Variants in RBM20 observed in about 807,000 individuals in gnomAD.
RBM20 encodes RNA-binding protein 20.
Under a neutral mutation model 110.1 loss-of-function variants are expected in RBM20, and 51 were observed. That is an observed-to-expected ratio of 0.46 (90% CI 0.37 to 0.59). RBM20 has a LOEUF of 0.59. Among genes scored for constraint, RBM20 ranks in the 20% least tolerant of loss-of-function variants. The pLI is 0.00. For missense variants in RBM20, 1,512 were observed against 1,574.9 expected, an observed-to-expected ratio of 0.96 and a Z score of 0.68; for synonymous variants, 589 against 618.2, an observed-to-expected ratio of 0.95 and a Z score of 0.70.
At chr10:110,759,636 G>A (rs1011448195) in intron 1 of RBM20, among the ~76,000 whole-genome samples, 6 of 152,148 alleles carry the variant, frequency 3.9e-5, no homozygotes, top group African/African-American at 9.7e-5. Flanking sequence ...GGCAGGGACC[G>A]GCTCTGTCCA....
intron 1 of RBM20, among the ~76,000 whole-genome samples, chr10:110,767,498 G>A (rs1307266994): frequency 2.0e-5 from 3 of 151,290 alleles, no homozygotes; most frequent in East Asian, 2.0e-4. Flanking sequence ...CAGACGGGGC[G>A]GCTGCGGGGC....
At chr10:110,721,688 G>A (rs1049769878) in intron 1 of RBM20, among the ~76,000 whole-genome samples, 10 of 152,090 alleles carry the variant, frequency 6.6e-5, no homozygotes, top group Non-Finnish European at 8.8e-5. Flanking sequence ...TTGTGAAAGT[G>A]TCTCCCTATT....
intron 1 of RBM20, among the ~76,000 whole-genome samples, chr10:110,737,011 C>T (rs1308407194): frequency 6.6e-6 from 1 of 151,488 alleles, no homozygotes; most frequent in African/African-American, 2.4e-5. Flanking sequence ...CCCATCTCTA[C>T]TAAAAATACA....
At chr10:110,829,971 C>G (rs1251354277) in intron 12 of RBM20, among the ~76,000 whole-genome samples, 5 of 152,360 alleles carry the variant, frequency 3.3e-5, no homozygotes, top group African/African-American at 1.2e-4. Flanking sequence ...TTTCTTAGTT[C>G]CCTGATGGGT....
At chr10:110,758,693 T>C (rs1212790020) in intron 1 of RBM20, among the ~76,000 whole-genome samples, 1 of 152,210 alleles carries the variant, frequency 6.6e-6, no homozygotes, top group African/African-American at 2.4e-5. Context: ...CATGTGGCTG[T>C]TGAGCCCTTG....
At chr10:110,774,891 G>A (rs1486491987) in intron 1 of RBM20, among the ~76,000 whole-genome samples, 7 of 152,030 alleles carry the variant, frequency 4.6e-5, no homozygotes, top group Non-Finnish European at 1.0e-4. Context: ...GCTTCTGAAA[G>A]CATTATAGCA....
Position 110,712,878 on chromosome 10 carries a change from T to A in RBM20, c.192-67923T>A, listed in dbSNP as rs150924453. Among the ~76,000 whole-genome samples, 436 of 152,354 alleles carry A rather than the reference T, an allele frequency of 2.9e-3. 6 individuals are homozygous for A. Among genetic ancestry groups the A allele is most frequent in the African/African-American group, 9.7e-3 (402 of 41,582 alleles). On this transcript the variant is annotated intron_variant, in intron 1 of 13. Coordinates refer to ENST00000369519, the MANE Select transcript of RBM20 (RefSeq NM_001134363.3). ...TATAATCTGTTTGGCATAAACTGTT[T>A]TTGCTCTTTTCTGTGATTCCCCAAC...
intron 1 of RBM20, among the ~76,000 whole-genome samples, chr10:110,669,554 C>T (rs1862230242): frequency 6.6e-6 from 1 of 152,212 alleles, no homozygotes; most frequent in East Asian, 1.9e-4. Context: ...AGATTGCTTT[C>T]AAATCTGAAA....
At chr10:110,653,517 C>A (rs906428518) in intron 1 of RBM20, among the ~76,000 whole-genome samples, 2 of 144,168 alleles carry the variant, frequency 1.4e-5, no homozygotes, top group Admixed American at 7.4e-5. Flanking sequence ...GTCAGATAAT[C>A]TCTCATATAG....
At position 110,691,437 on chromosome 10, in the gene RBM20, A is replaced by G. The variant is rs545053706; in HGVS notation, c.191+46792A>G. On this transcript the variant is annotated intron_variant, in intron 1 of 13. Transcript: ENST00000369519. ...CCAATATCTCTACATTCTCAAACAC[A>G]CTTGTTATTTTGTTTGTTTTTATTA... is the stretch of plus-strand genomic sequence containing the variant. 3.3e-5 allele frequency among the ~76,000 whole-genome samples: 5 copies of G among 152,220 alleles called. No homozygotes were observed. In the East Asian group the frequency reaches 9.7e-4, roughly 29 times the overall value.
At chr10:110,755,943 G>A (rs1002302417) in intron 1 of RBM20, among the ~76,000 whole-genome samples, 7 of 152,192 alleles carry the variant, frequency 4.6e-5, no homozygotes, top group Non-Finnish European at 1.0e-4. Flanking sequence ...TTCAAGTTAG[G>A]GCAGCTGGCT....
At chr10:110,793,543 G>T (rs1027396832) in intron 5 of RBM20, among the ~76,000 whole-genome samples, 1 of 152,200 alleles carries the variant, frequency 6.6e-6, no homozygotes, top group African/African-American at 2.4e-5. Flanking sequence ...AGAGAGCTCC[G>T]CTGCACCACG....
chr10:110,688,401 A>G (rs1204456258), intron 1 of RBM20, among the ~76,000 whole-genome samples: 1 of 152,202 alleles, frequency 6.6e-6, no homozygotes, highest in Non-Finnish European at 1.5e-5. Flanking sequence ...TAGCACATGC[A>G]TCATACTTGT....
intron 1 of RBM20, among the ~76,000 whole-genome samples, chr10:110,769,873 C>A (rs1180253878): frequency 6.6e-6 from 1 of 152,012 alleles, no homozygotes; most frequent in Non-Finnish European, 1.5e-5. Flanking sequence ...TGTGCGCCAC[C>A]ATGCCTGGCC....
intron 1 of RBM20, among the ~76,000 whole-genome samples, chr10:110,685,317 T>C (rs1037938048): frequency 1.3e-5 from 2 of 152,230 alleles, no homozygotes; most frequent in Non-Finnish European, 2.9e-5. Context: ...AAGTGCCCTG[T>C]GCCCTTCTGA....
Position 110,781,753 on chromosome 10 carries a change from G to T in RBM20, c.1144G>T (p.Ala382Ser), listed in dbSNP as rs759905184. 11 of 1,551,868 alleles carry T rather than the reference G, an allele frequency of 7.1e-6. No individual in the cohort carries two copies. In the Middle Eastern group the frequency reaches 6.7e-4, roughly 94 times the overall value. The change falls in exon 2 of 14, where the codon GCC becomes TCC. Residue 382 changes from alanine (A) to serine (S), a missense_variant. Ala to Ser is a moderately conservative substitution (Grantham distance 99). Around this residue, in one of 3 missense-constraint regions of RBM20, gnomAD observed 1,149 missense variants for 1,169.4 expected, o/e 0.98. Transcript: ENST00000369519. Reference protein sequence around the residue: ...KQGFIGAGRRAKEDQALLSVR... With the variant: ...KQGFIGAGRRSKEDQALLSVR... ...GGGTTTTATCGGTGCTGGGCGGAGGGCCAAGGAGGACCAGGCGTTGCTATC... is the reference window on the plus strand; with the variant it reads ...GGGTTTTATCGGTGCTGGGCGGAGGTCCAAGGAGGACCAGGCGTTGCTATC...
chr10:110,701,599 C>T (rs11195273), intron 1 of RBM20, among the ~76,000 whole-genome samples: 146 of 152,290 alleles, frequency 9.6e-4, no homozygotes, highest in African/African-American at 3.2e-3. Context: ...AAAATAATTT[C>T]GGTTTGTACA....
Position 110,781,481 on chromosome 10 carries a change from A to G in RBM20, c.872A>G (p.His291Arg). ...TACGGACCCAACTCCCAAGGTTCAC[A>G]TGTGGCCAGCGGATTTCCAGCTGAG... The part of the protein sequence containing the change: ...DFYGPNSQGS[H>R]VASGFPAEQA... The change falls in exon 2 of 14, where the codon CAT (histidine) becomes CGT (arginine). Residue 291 changes from histidine (H) to arginine (R), a missense_variant. By Grantham distance (29) the His-to-Arg change is conservative. Transcript: ENST00000369519. The G allele has an allele frequency of 6.4e-7, 1 of 1,551,578 alleles. No individual in the cohort carries two copies. Among genetic ancestry groups the G allele is most frequent in the Non-Finnish European group, 8.7e-7 (1 of 1,146,992 alleles).
chr10:110,655,284 T>C (rs1037857860), intron 1 of RBM20, among the ~76,000 whole-genome samples: 1 of 143,808 alleles, frequency 7.0e-6, no homozygotes, highest in African/African-American at 2.5e-5. Context: ...CCGCCCTTTT[T>C]TTTCCCCTTA....
Sources: gnomAD v4.1 joint callset for allele counts (sites outside exome capture counted in the v4.1 genomes callset) on GRCh38, gnomAD v4.1.1 for gene constraint, gnomAD v4.1.1 regional missense constraint, MANE v1.5 for transcripts, NCBI Gene and HGNC (gene_info 2026-07-23, HGNC 2026-07-21) for gene names.